Variants in CEP85L observed in about 807,000 individuals in gnomAD.
CEP85L encodes the protein centrosomal protein of 85 kDa-like.
CEP85L carries 60 observed loss-of-function variants against 100.3 expected under a neutral mutation model. That is an observed-to-expected ratio of 0.60 (90% CI 0.49 to 0.74). The LOEUF (loss-of-function observed/expected upper bound fraction) is 0.74, where lower values mean the gene tolerates loss of function less well. Ranked by LOEUF, CEP85L falls within the 30% of genes least tolerant of loss-of-function variation. The pLI is 0.00. For missense variants in CEP85L, 973 were observed against 936.2 expected (o/e 1.04, Z -0.51); for synonymous variants, 319 against 322.7 (o/e 0.99, Z 0.12).
chr6:118,527,511 A>C (rs1252276233), intron 3 of CEP85L, among the ~76,000 whole-genome samples: 1 of 152,160 alleles, frequency 6.6e-6, no homozygotes, highest in Non-Finnish European at 1.5e-5. Flanking sequence ...TGTGAGAAAA[A>C]ATTTAACACT....
intron 3 of CEP85L, chr6:118,559,370 T>C: frequency 7.5e-6 from 3 of 397,690 alleles, no homozygotes; most frequent in Non-Finnish European, 1.5e-5. Flanking sequence ...CCAAATCTTT[T>C]CTGAAGATGA....
Position 118,566,183 on chromosome 6 carries a change from G to C in CEP85L, c.366C>G (p.Gly122=), listed in dbSNP as rs766732455. 16 of 1,614,030 alleles carry C rather than the reference G, an allele frequency of 9.9e-6. No homozygotes were observed. The African/African-American group carries it at 1.9e-4, about 19-fold the overall frequency. The change falls in exon 3 of 13, where the codon GGC becomes GGG. Residue 122 remains glycine (G), a synonymous_variant. Coordinates refer to ENST00000368491, the MANE Select transcript of CEP85L (RefSeq NM_001042475.3). Reference sequence around the variant, plus strand: ...GCATGAGGCTTGTACTCCATTTTGAGCCATCTGGTGTCAATGATTCCCTAA... The same window carrying C: ...GCATGAGGCTTGTACTCCATTTTGACCCATCTGGTGTCAATGATTCCCTAA... ...SKLRESLTPD[G]SKWSTSLMQT...
At chr6:118,501,982 C>T in intron 5 of CEP85L, 1 of 838,884 alleles carries the variant, frequency 1.2e-6, no homozygotes, top group Non-Finnish European at 2.0e-6. Context: ...TGGAGGAAAA[C>T]TGACCAGGTG....
intron 1 of CEP85L, chr6:118,709,963 T>A (rs531319443): frequency 2.0e-5 from 3 of 152,028 alleles, no homozygotes; most frequent in African/African-American, 7.2e-5. Context: ...TAAAAATAAA[T>A]CAGGGTGTAG....
At chr6:118,581,972 C>G (rs182604357) in intron 2 of CEP85L, among the ~76,000 whole-genome samples, 1 of 152,270 alleles carries the variant, frequency 6.6e-6, no homozygotes, top group East Asian at 1.9e-4. Flanking sequence ...CCCCTATGTA[C>G]AGACTTTCTT....
chr6:118,579,257 A>G (rs1280218112), intron 2 of CEP85L, among the ~76,000 whole-genome samples: 3 of 151,760 alleles, frequency 2.0e-5, no homozygotes, highest in Non-Finnish European at 4.4e-5. Context: ...TAGCCAGATT[A>G]CTGCCAATTT....
At chr6:118,475,555 T>C (rs990742365) in intron 10 of CEP85L, among the ~76,000 whole-genome samples, 16 of 151,762 alleles carry the variant, frequency 1.1e-4, no homozygotes, top group Non-Finnish European at 1.5e-5. Context: ...GAAGTTTCAC[T>C]GTGTTAGCCA....
intron 10 of CEP85L, among the ~76,000 whole-genome samples, chr6:118,478,586 A>G (rs1394435775): frequency 6.6e-6 from 1 of 152,154 alleles, no homozygotes; most frequent in African/African-American, 2.4e-5. Flanking sequence ...AGACAACAGA[A>G]TTAATAATTA....
chr6:118,543,001 A>T (rs2114888051), intron 3 of CEP85L, among the ~76,000 whole-genome samples: 2 of 151,258 alleles, frequency 1.3e-5, no homozygotes, highest in Middle Eastern at 6.8e-3. Flanking sequence ...TTTTAACCTT[A>T]TAAGGAAAGT....
intron 2 of CEP85L, among the ~76,000 whole-genome samples, chr6:118,628,215 A>T (rs1443568497): frequency 6.6e-6 from 1 of 152,240 alleles, no homozygotes; most frequent in Non-Finnish European, 1.5e-5. Context: ...AAGCTTCAGG[A>T]CTAGACTCAA....
intron 9 of CEP85L, 80 bp from the exon 10 acceptor site, chr6:118,480,001 C>A: frequency 1.4e-6 from 1 of 735,544 alleles, no homozygotes; most frequent in South Asian, 1.9e-5. Context: ...GAAAACAGCA[C>A]AGAAATTTAT....
chr6:118,494,735 C>T (rs568454156), intron 5 of CEP85L, among the ~76,000 whole-genome samples: 1 of 152,248 alleles, frequency 6.6e-6, no homozygotes, highest in South Asian at 2.1e-4. Flanking sequence ...CTCTATTTAC[C>T]ACACTTATTA....
At chr6:118,482,276 T>C (rs1773848193) in intron 7 of CEP85L, among the ~76,000 whole-genome samples, 1 of 152,196 alleles carries the variant, frequency 6.6e-6, no homozygotes, top group African/African-American at 2.4e-5. Context: ...TGAGGTTAAG[T>C]ACATTCACAT....
At position 118,594,785 on chromosome 6, in the gene CEP85L, G is replaced by A. The variant is rs560282944; in HGVS notation, c.233-28469C>T. Among the ~76,000 whole-genome samples, 28 of 150,182 alleles carry A rather than the reference G, an allele frequency of 1.9e-4. 1 individual carries two copies. In the East Asian group the frequency reaches 5.1e-3, roughly 27 times the overall value. On this transcript the variant is annotated intron_variant, in intron 2 of 12. Transcript: ENST00000368491. The stretch of plus-strand genomic sequence containing the variant: ...GCAGGAGAATGGCGTGAACCCGGGA[G>A]GCGGAGCTTGCAGTGAGCCGAGATC...
chr6:118,652,660 G>C (rs1231785161), upstream of CEP85L: 1 of 1,527,032 alleles, frequency 6.5e-7, no homozygotes, highest in African/African-American at 1.4e-5. Flanking sequence ...TAAAATTCTT[G>C]GAAGTTAAAT....
intron 5 of CEP85L, among the ~76,000 whole-genome samples, chr6:118,508,798 T>C (rs1472701748): frequency 6.6e-6 from 1 of 152,078 alleles, no homozygotes; most frequent in African/African-American, 2.4e-5. Flanking sequence ...AGAATTAGGA[T>C]GAATATGTTA....
chr6:118,675,166 G>C lies in CEP85L; in HGVS notation c.-27-22358C>G, dbSNP rs554216314. ...CAATAAAAATGGAGTGCTGTTACAT[G>C]CTACAACATGGATGAACTTTGAAAA... On this transcript the variant is annotated intron_variant, in intron 1 of 13. Coordinates refer to the CEP85L transcript ENST00000368488. Among the ~76,000 whole-genome samples, 3 of 135,908 alleles carry C rather than the reference G, an allele frequency of 2.2e-5. No homozygotes were observed. The South Asian group carries it at 7.2e-4, about 32-fold the overall frequency. 89.2% of individuals were successfully genotyped at this position (135,908 alleles called of 152,430 possible). A position where few individuals can be genotyped will look rare whatever the true frequency, so the allele number is the denominator to read the frequency against.
intron 4 of CEP85L, among the ~76,000 whole-genome samples, chr6:118,518,073 A>G (rs1776388788): frequency 6.6e-6 from 1 of 152,150 alleles, no homozygotes; most frequent in South Asian, 2.1e-4. Flanking sequence ...CATCCCAGGG[A>G]TGACGCCGAC....
At chr6:118,495,503 A>G (rs1037489810) in intron 5 of CEP85L, among the ~76,000 whole-genome samples, 20 of 152,270 alleles carry the variant, frequency 1.3e-4, no homozygotes, top group African/African-American at 4.8e-4. Flanking sequence ...TCCTTCTATC[A>G]TATGAAGAAG....
Sources: allele counts gnomAD v4.1 joint callset (sites outside exome capture counted in the v4.1 genomes callset), GRCh38; gene constraint gnomAD v4.1.1; transcripts MANE v1.5; gene names NCBI Gene and HGNC (gene_info 2026-07-23, HGNC 2026-07-21).